The following EEFSEC variants were observed in gnomAD, a reference collection of about 807,000 sequenced individuals.
EEFSEC encodes the protein eukaryotic elongation factor, selenocysteine-tRNA specific, also known as selenocysteine-specific elongation factor.
EEFSEC carries 43 observed loss-of-function variants against 42.1 expected under a neutral mutation model. That is an observed-to-expected ratio of 1.02 (90% confidence interval 0.80 to 1.32). The LOEUF (loss-of-function observed/expected upper bound fraction) is 1.32, where lower values mean the gene tolerates loss of function less well. EEFSEC is among the 40% of genes most tolerant of loss of function. EEFSEC has a pLI of 0.00. For missense variants in EEFSEC, 745 were observed against 803.6 expected, an observed-to-expected ratio of 0.93 and a Z score of 0.88; for synonymous variants, 354 against 339.1, an observed-to-expected ratio of 1.04 and a Z score of -0.48.
At chr3:128,407,759 G>C (rs556163558) in intron 6 of EEFSEC, among the ~76,000 whole-genome samples, 1 of 152,280 alleles carries the variant, frequency 6.6e-6, no homozygotes, top group South Asian at 2.1e-4. Flanking sequence ...CTCAGATGCC[G>C]AGTTTCCAGA....
chr3:128,291,938 C>G (rs890626035), intron 4 of EEFSEC, among the ~76,000 whole-genome samples: 1 of 152,156 alleles, frequency 6.6e-6, no homozygotes, highest in Non-Finnish European at 1.5e-5. Flanking sequence ...TATCGTTTAT[C>G]AGATTCAAGA....
chr3:128,354,547 G>A (rs553620902), intron 5 of EEFSEC, among the ~76,000 whole-genome samples: 20 of 152,314 alleles, frequency 1.3e-4, no homozygotes, highest in Admixed American at 5.2e-4. Context: ...AAGGAACTCT[G>A]GGAGCCCTCA....
In EEFSEC at chr3:128,244,785, C is replaced by T. The variant is rs571449735; in HGVS notation, c.317-2051C>T. On this transcript the variant is annotated intron_variant, in intron 1 of 6. Transcript: ENST00000254730. The stretch of plus-strand genomic sequence containing the variant: ...ACACCCACACACGTGCACACACATA[C>T]ACACACACGTATACCTTATCCCCTT... Among the ~76,000 whole-genome samples the T allele has an allele frequency of 2.0e-5, 3 of 152,242 alleles. No homozygotes were observed. The East Asian group carries it at 5.8e-4, about 29-fold the overall frequency.
intron 5 of EEFSEC, among the ~76,000 whole-genome samples, chr3:128,345,553 G>A (rs977326980): frequency 1.3e-5 from 2 of 152,272 alleles, no homozygotes; most frequent in African/African-American, 2.4e-5. Flanking sequence ...ATTCAAAGAA[G>A]TTTCTGGAAG....
intron 1 of EEFSEC, among the ~76,000 whole-genome samples, chr3:128,175,237 C>T (rs1162338996): frequency 6.6e-6 from 1 of 152,094 alleles, no homozygotes; most frequent in African/African-American, 2.4e-5. Flanking sequence ...GATTAAATCT[C>T]ATGCTCTGGA....
chr3:128,394,705 C>G (rs1435796184), intron 6 of EEFSEC, among the ~76,000 whole-genome samples: 1 of 152,208 alleles, frequency 6.6e-6, no homozygotes, highest in Admixed American at 6.5e-5. Context: ...CCATGCTCCC[C>G]CAATGGCCAG....
At chr3:128,173,096 A>T (rs1302412385) in intron 1 of EEFSEC, among the ~76,000 whole-genome samples, 1 of 152,218 alleles carries the variant, frequency 6.6e-6, no homozygotes, top group Non-Finnish European at 1.5e-5. Flanking sequence ...GGTGGCCTTC[A>T]TGTTTGCTTC....
At chr3:128,377,623 G>C (rs994668860) in intron 6 of EEFSEC, among the ~76,000 whole-genome samples, 1 of 152,216 alleles carries the variant, frequency 6.6e-6, no homozygotes, top group African/African-American at 2.4e-5. Context: ...AGCATCTGTG[G>C]ATGTTCCATC....
At chr3:128,176,501 A>C (rs1033798242) in intron 1 of EEFSEC, among the ~76,000 whole-genome samples, 5 of 152,198 alleles carry the variant, frequency 3.3e-5, no homozygotes, top group Admixed American at 3.3e-4. Flanking sequence ...TGCTGGAAGC[A>C]GTGGCTTGTT....
At chr3:128,391,817 C>T (rs72977374) in intron 6 of EEFSEC, among the ~76,000 whole-genome samples, 1,784 of 152,320 alleles carry the variant, frequency 0.012, 30 homozygotes, top group African/African-American at 0.041. Context: ...TGGTGCCCAG[C>T]GGGTGCTCTG....
At chr3:128,253,203 G>T (rs1297743002) in intron 2 of EEFSEC, among the ~76,000 whole-genome samples, 1 of 152,206 alleles carries the variant, frequency 6.6e-6, no homozygotes, top group Non-Finnish European at 1.5e-5. Context: ...AAGCTTTATA[G>T]GTAATCTCTG....
At chr3:128,173,702 C>T (rs902208403) in intron 1 of EEFSEC, among the ~76,000 whole-genome samples, 5 of 152,200 alleles carry the variant, frequency 3.3e-5, no homozygotes, top group African/African-American at 1.2e-4. Context: ...CTGGTCTTTT[C>T]AAGTGAACAT....
chr3:128,346,103 C>T (rs2067309698), intron 5 of EEFSEC, among the ~76,000 whole-genome samples: 1 of 152,210 alleles, frequency 6.6e-6, no homozygotes, highest in Admixed American at 6.5e-5. Flanking sequence ...TGTGCGTCTG[C>T]ATCACTGGCT....
rs545169512 is a variant in EEFSEC, at chr3:128,257,494, T to G, written c.525-4634T>G. 4.6e-5 allele frequency among the ~76,000 whole-genome samples: 7 copies of G among 152,338 alleles called. No individual in the cohort carries two copies. In the East Asian group the frequency reaches 1.4e-3, roughly 29 times the overall value. On this transcript the variant is annotated intron_variant, in intron 2 of 6. Coordinates refer to ENST00000254730, the MANE Select transcript of EEFSEC (RefSeq NM_021937.5). ...TAAACCACTCCCGAATGCAGTGCAC[T>G]GCCCACAATTTCAGTGAAGCAAGTC...
At chr3:128,392,560 G>T (rs182720848) in intron 6 of EEFSEC, among the ~76,000 whole-genome samples, 11 of 152,224 alleles carry the variant, frequency 7.2e-5, no homozygotes, top group Non-Finnish European at 5.9e-5. Context: ...GCGGCATCTC[G>T]CTTAGGGCCT....
downstream of EEFSEC, among the ~76,000 whole-genome samples, chr3:128,411,788 C>T (rs868030918): frequency 5.9e-4 from 90 of 152,292 alleles, no homozygotes; most frequent in African/African-American, 2.1e-3. Flanking sequence ...GATAACGTCT[C>T]GTAAACGGGA....
intron 1 of EEFSEC, among the ~76,000 whole-genome samples, chr3:128,190,573 T>C (rs905851721): frequency 6.6e-6 from 1 of 152,236 alleles, no homozygotes; most frequent in Non-Finnish European, 1.5e-5. Context: ...AAAAAAGTTA[T>C]AGTGAACTAA....
chr3:128,228,234 G>T (rs375295099), intron 1 of EEFSEC, among the ~76,000 whole-genome samples: 1 of 152,194 alleles, frequency 6.6e-6, no homozygotes, highest in East Asian at 1.9e-4. Context: ...CTGCAGAGGA[G>T]CTTGGGAGTC....
chr3:128,307,467 C>T (rs775530947), intron 4 of EEFSEC, among the ~76,000 whole-genome samples: 33 of 152,164 alleles, frequency 2.2e-4, no homozygotes, highest in Admixed American at 3.3e-4. Context: ...ATGAAAACTT[C>T]CTGGAAGTTA....
Sources: allele counts gnomAD v4.1 joint callset (sites outside exome capture counted in the v4.1 genomes callset), GRCh38; gene constraint gnomAD v4.1.1; transcripts MANE v1.5; gene names NCBI Gene and HGNC (gene_info 2026-07-23, HGNC 2026-07-21).